The following MFSD11 variants were observed in gnomAD, a reference collection of about 807,000 sequenced individuals.
The protein encoded by MFSD11 is UNC93-like protein MFSD11.
Under a neutral mutation model 53.5 loss-of-function variants are expected in MFSD11, and 36 were observed. That is an observed-to-expected ratio of 0.67 (90% CI 0.52 to 0.89). The LOEUF (loss-of-function observed/expected upper bound fraction) is 0.89. Among genes scored for constraint, MFSD11 ranks in the 40% least tolerant of loss-of-function variants. The pLI is 0.00. For synonymous variants in MFSD11, 186 were observed against 184.9 expected, an observed-to-expected ratio of 1.01 and a Z score of -0.05; for missense variants, 530 against 543.9, an observed-to-expected ratio of 0.97 and a Z score of 0.25.
intron 8 of MFSD11, among the ~76,000 whole-genome samples, chr17:76,754,734 G>C (rs2079405892): frequency 6.6e-6 from 1 of 151,146 alleles, no homozygotes; most frequent in South Asian, 2.1e-4. Flanking sequence ...GAGCAAAGCA[G>C]TAGCTCCAGT....
chr17:76,791,839 T>G, the MFSD11 span, among the ~76,000 whole-genome samples: 2 of 146,282 alleles, frequency 1.4e-5, no homozygotes, highest in Non-Finnish European at 3.0e-5. Context: ...GGTTTTTTGC[T>G]TGTTTTTTTT....
At chr17:76,785,829 C>T (rs2145014360), downstream of MFSD11, among the ~76,000 whole-genome samples, 1 of 151,988 alleles carries the variant, frequency 6.6e-6, no homozygotes, top group Middle Eastern at 3.4e-3. Flanking sequence ...GCCTAAAATC[C>T]CAGCGCTTTG....
Position 76,761,497 on chromosome 17 carries a change from C to G in MFSD11, c.683-5889C>G, listed in dbSNP as rs563088809. Among the ~76,000 whole-genome samples, 3 of 152,228 alleles carry G rather than the reference C, an allele frequency of 2.0e-5. No individual in the cohort carries two copies. In the East Asian group the frequency reaches 5.8e-4, roughly 29 times the overall value. The stretch of plus-strand genomic sequence containing the variant: ...CTCTGTGAATGTTCAAAAAATTCTC[C>G]TGTATATTACGTGAAAACAAATGAT... On this transcript the variant is annotated intron_variant, in intron 8 of 12. Transcript: ENST00000685175.
At chr17:76,767,327 G>T in intron 8 of MFSD11, 59 bp from the exon 9 acceptor site, 2 of 1,052,164 alleles carry the variant, frequency 1.9e-6, no homozygotes, top group South Asian at 1.3e-5. Context: ...GGAAGTTTTA[G>T]AATGTTTGTT....
At chr17:76,799,042 A>AG in the MFSD11 span, 1 of 152,302 alleles carries the variant, frequency 6.6e-6, no homozygotes, top group East Asian at 1.9e-4. Context: ...AAAAAAAAAA[A>AG]AAAAGAAAAT....
intron 8 of MFSD11, among the ~76,000 whole-genome samples, chr17:76,761,453 C>A (rs1944724009): frequency 6.6e-6 from 1 of 152,016 alleles, no homozygotes; most frequent in Non-Finnish European, 1.5e-5. Context: ...TAATAGATTA[C>A]CCTAGCCATA....
chr17:76,756,791 C>T (rs2079678005), intron 8 of MFSD11, among the ~76,000 whole-genome samples: 1 of 148,944 alleles, frequency 6.7e-6, no homozygotes, highest in Non-Finnish European at 1.5e-5. Context: ...GCCTAGGAGG[C>T]GGAGGTTGCA....
At chr17:76,791,947 A>C in the MFSD11 span, among the ~76,000 whole-genome samples, 1 of 147,788 alleles carries the variant, frequency 6.8e-6, no homozygotes, top group Admixed American at 6.7e-5. Flanking sequence ...TGAAAGAAGA[A>C]TAGCCCAGTG....
the MFSD11 span, among the ~76,000 whole-genome samples, chr17:76,797,890 A>T: frequency 8.9e-4 from 133 of 148,900 alleles, no homozygotes; most frequent in South Asian, 0.014. Flanking sequence ...TCAGGAAAAC[A>T]TTTTTTTTTT....
At chr17:76,775,225 T>C in intron 11 of MFSD11, 54 bp downstream of exon 11, 1 of 1,539,900 alleles carries the variant, frequency 6.5e-7, no homozygotes, top group South Asian at 1.2e-5. Context: ...AGGTAACGGA[T>C]GGCTAGATAC....
At chr17:76,752,030 A>T (rs1031981047) in intron 7 of MFSD11, among the ~76,000 whole-genome samples, 5 of 152,242 alleles carry the variant, frequency 3.3e-5, no homozygotes, top group Admixed American at 2.0e-4. Context: ...TGATTCTAGT[A>T]TAATTAAAAA....
At position 76,740,941 on chromosome 17, in the gene MFSD11, T is replaced by C; in HGVS notation, c.153-16T>C. 7.5e-7 allele frequency: 1 copy of C among 1,333,954 alleles called. No individual in the cohort carries two copies. The highest frequency in any genetic ancestry group is 1.1e-6 in the Non-Finnish European group (1 of 940,404). The allele number at this position is 1,333,954 out of a possible 1,614,324, so 82.6% of individuals were successfully genotyped here. A position where few individuals can be genotyped will look rare whatever the true frequency, so the allele number is the denominator to read the frequency against. On this transcript the variant is annotated splice_polypyrimidine_tract_variant and intron_variant, in intron 2 of 12. Transcript: ENST00000685175. Reference sequence around the variant, plus strand: ...TCTTTTTTTTTTTTTTTTCCGTTTGTGTATTATGTGTGCAGCATGGCTATT... The same window carrying C: ...TCTTTTTTTTTTTTTTTTCCGTTTGCGTATTATGTGTGCAGCATGGCTATT...
At chr17:76,791,402 CT>C in the MFSD11 span, among the ~76,000 whole-genome samples, 705 of 146,482 alleles carry the variant, frequency 4.8e-3, 48 homozygotes, top group South Asian at 0.014. Flanking sequence ...GCCTGTTTAA[CT>C]TTTTTTTTTA....
downstream of MFSD11, chr17:76,781,333 A>C (rs1223577105): frequency 6.6e-6 from 1 of 152,262 alleles, no homozygotes; most frequent in Admixed American, 6.5e-5. Context: ...TCTCCATCAA[A>C]GGTCACAAGC....
At chr17:76,790,109 TCTCA>T in the MFSD11 span, among the ~76,000 whole-genome samples, 158 of 145,180 alleles carry the variant, frequency 1.1e-3, 5 homozygotes, top group African/African-American at 3.6e-3. Flanking sequence ...TGAGACAGAG[TCTCA>T]CTCTGTTGCC....
At chr17:76,788,442 T>G in the MFSD11 span, among the ~76,000 whole-genome samples, 1 of 148,922 alleles carries the variant, frequency 6.7e-6, no homozygotes, top group Non-Finnish European at 1.5e-5. Flanking sequence ...CTTGGCTCAC[T>G]GCAACCACCG....
intron 7 of MFSD11, among the ~76,000 whole-genome samples, chr17:76,750,364 ATTT>A (rs1256470874): frequency 3.2e-5 from 4 of 123,666 alleles, no homozygotes; most frequent in African/African-American, 3.4e-5. Flanking sequence ...TGTGTTAGTA[ATTT>A]TTTTTTTTTT....
chr17:76,761,071 G>T (rs1021710543), intron 8 of MFSD11, among the ~76,000 whole-genome samples: 1 of 152,052 alleles, frequency 6.6e-6, no homozygotes, highest in Admixed American at 6.6e-5. Context: ...CGCACACGGT[G>T]GTGAGTGCCT....
In MFSD11 at chr17:76,743,461, GT is replaced by G; in HGVS notation, c.496+9del. The G allele has an allele frequency of 6.4e-7, 1 of 1,559,142 alleles. No homozygotes were observed. Among genetic ancestry groups the G allele is most frequent in the Non-Finnish European group, 8.7e-7 (1 of 1,152,496 alleles). ...AAGGGAAAACTCAGATATCAGGTTT[GT>G]TTTATTCGCGTTGCTTTATTCAGAT... On this transcript the variant is annotated splice_donor_region_variant and intron_variant, in intron 6 of 12. Coordinates refer to ENST00000685175, the MANE Select transcript of MFSD11 (RefSeq NM_001242532.5).
Sources: allele counts gnomAD v4.1 joint callset (sites outside exome capture counted in the v4.1 genomes callset), GRCh38; gene constraint gnomAD v4.1.1; transcripts MANE v1.5; gene names NCBI Gene and HGNC (gene_info 2026-07-23, HGNC 2026-07-21).